PATJ: variants seen among roughly 807,000 people sequenced by gnomAD.
The protein encoded by PATJ is PATJ crumbs cell polarity complex component, also known as inaD-like protein.
PATJ carries 190 observed loss-of-function variants against 224.9 expected under a neutral mutation model. That is an observed-to-expected ratio of 0.84 (90% CI 0.75 to 0.95). The LOEUF (loss-of-function observed/expected upper bound fraction) is 0.95. Ranked by LOEUF, PATJ falls within the 40% of genes least tolerant of loss-of-function variation. The probability of loss-of-function intolerance (pLI) is 0.00; values close to 1 mark genes in which losing one functional copy is unlikely to be tolerated. For synonymous variants in PATJ, 769 were observed against 820.3 expected (o/e 0.94, Z 1.07); for missense variants, 2,121 against 2,270.3 (o/e 0.93, Z 1.34).
intron 33 of PATJ, among the ~76,000 whole-genome samples, chr1:62,107,156 A>C (rs1663172417): frequency 6.6e-6 from 1 of 152,030 alleles, no homozygotes. Context: ...AATACAAAAA[A>C]TTAGCCGGAC....
intron 17 of PATJ, among the ~76,000 whole-genome samples, chr1:61,843,011 C>T (rs1434027818): frequency 2.0e-5 from 3 of 152,146 alleles, no homozygotes; most frequent in Non-Finnish European, 1.5e-5. Context: ...ATTTGTGCTC[C>T]TCCACCTTGT....
chr1:61,901,481 T>C (rs1295461779), intron 24 of PATJ, 22 bp downstream of exon 24: 7 of 1,509,270 alleles, frequency 4.6e-6, no homozygotes. Flanking sequence ...TAAAGTACTG[T>C]TTTTATTGGA....
At chr1:62,029,525 T>A (rs1250156220) in intron 29 of PATJ, among the ~76,000 whole-genome samples, 1 of 152,212 alleles carries the variant, frequency 6.6e-6, no homozygotes, top group Non-Finnish European at 1.5e-5. Flanking sequence ...CTTATTACAG[T>A]TTGAATTATG....
chr1:61,757,562 T>G (rs1249960012), intron 1 of PATJ, among the ~76,000 whole-genome samples: 1 of 151,620 alleles, frequency 6.6e-6, no homozygotes, highest in East Asian at 1.9e-4. Context: ...ATTTTTGTGT[T>G]TTATGTAGAT....
intron 24 of PATJ, among the ~76,000 whole-genome samples, chr1:61,902,966 A>G (rs543586274): frequency 1.1e-4 from 17 of 152,288 alleles, no homozygotes; most frequent in African/African-American, 4.1e-4. Context: ...GCTTGCCTGG[A>G]TGTGTTCAAG....
intron 27 of PATJ, among the ~76,000 whole-genome samples, chr1:61,978,678 G>A (rs1001907699): frequency 6.6e-6 from 1 of 152,028 alleles, no homozygotes; most frequent in Non-Finnish European, 1.5e-5. Flanking sequence ...AAATTAGATT[G>A]AGATGTTTAT....
intron 27 of PATJ, among the ~76,000 whole-genome samples, chr1:61,982,506 C>T (rs1445774991): frequency 2.0e-5 from 3 of 151,930 alleles, no homozygotes; most frequent in Non-Finnish European, 4.4e-5. Flanking sequence ...GAGGCATTTA[C>T]GAAGGTGTGG....
At chr1:62,003,765 C>T (rs1645931130) in intron 28 of PATJ, among the ~76,000 whole-genome samples, 1 of 152,168 alleles carries the variant, frequency 6.6e-6, no homozygotes, top group South Asian at 2.1e-4. Flanking sequence ...GTACTCCTTT[C>T]CTCCCTTTGG....
At chr1:62,149,573 A>G (rs555979565) in intron 42 of PATJ, among the ~76,000 whole-genome samples, 1 of 151,962 alleles carries the variant, frequency 6.6e-6, no homozygotes, top group South Asian at 2.1e-4. Flanking sequence ...ACACATAGAA[A>G]TATAACATTT....
At position 61,841,600 on chromosome 1, in the gene PATJ, C is replaced by CTT. The variant is rs11424328; in HGVS notation, c.2112+7826_2112+7827dup. On this transcript the variant is annotated intron_variant, in intron 17 of 43. Transcript: ENST00000642238. ...CATCTAGGTTTTTTTTTTCTCTTGC[C>CTT]TTTTTTTTTTTTGGGAGCTCTTTGG... Among the ~76,000 whole-genome samples the CTT allele has an allele frequency of 1.5e-3, 214 of 141,874 alleles. 1 individual carries two copies. Among genetic ancestry groups the CTT allele is most frequent in the Middle Eastern group, 3.6e-3 (1 of 274 alleles). The allele number at this position is 141,874 out of a possible 152,430, so 93.1% of individuals were successfully genotyped here. A position where few individuals can be genotyped will look rare whatever the true frequency, so the allele number is the denominator to read the frequency against.
chr1:61,974,405 C>CTCTTTTTT (rs1434777894), intron 27 of PATJ, among the ~76,000 whole-genome samples: 2 of 64,242 alleles, frequency 3.1e-5, no homozygotes, highest in African/African-American at 1.3e-4. Flanking sequence ...CTCTCTCTCT[C>CTCTTTTTT]TTTTTTTTTT....
At chr1:61,811,118 T>A (rs1441690134) in intron 14 of PATJ, among the ~76,000 whole-genome samples, 1 of 152,232 alleles carries the variant, frequency 6.6e-6, no homozygotes, top group Non-Finnish European at 1.5e-5. Context: ...TATTAATACC[T>A]GCCTCATAGA....
Position 62,086,449 on chromosome 1 carries a change from C to T in PATJ, c.4377+1801C>T, listed in dbSNP as rs1309889847. On this transcript the variant is annotated intron_variant, in intron 33 of 43. Coordinates refer to ENST00000642238, the MANE Select transcript of PATJ (RefSeq NM_001350145.3). The surrounding 1 kb of genome is among the most constrained non-coding windows in gnomAD (Gnocchi z 4.0). ...TAAAACCAGGGCGACTCCCTAGAGA[C>T]AATCACTCTTGTTAATGAATATGTT... is the stretch of plus-strand genomic sequence containing the variant. Among the ~76,000 whole-genome samples, 1 of 152,184 alleles carries T rather than the reference C, an allele frequency of 6.6e-6. No individual in the cohort carries two copies. Among genetic ancestry groups the T allele is most frequent in the Non-Finnish European group, 1.5e-5 (1 of 68,042 alleles).
intron 42 of PATJ, among the ~76,000 whole-genome samples, chr1:62,148,959 T>C (rs1440834498): frequency 6.6e-6 from 1 of 151,922 alleles, no homozygotes; most frequent in Non-Finnish European, 1.5e-5. Context: ...AAACCCTGTC[T>C]CTATTAAAAA....
intron 1 of PATJ, among the ~76,000 whole-genome samples, chr1:61,754,458 C>T (rs1645506542): frequency 6.6e-6 from 1 of 151,844 alleles, no homozygotes; most frequent in Non-Finnish European, 1.5e-5. Context: ...AATTCTCCCA[C>T]CTCAGCCTCC....
chr1:62,111,455 T>G (rs996212580), intron 34 of PATJ, among the ~76,000 whole-genome samples: 7 of 152,192 alleles, frequency 4.6e-5, no homozygotes, highest in African/African-American at 1.4e-4. Context: ...TAACTTACAT[T>G]GGATATAACT....
At chr1:61,858,606 C>T (rs1664074081) in intron 18 of PATJ, among the ~76,000 whole-genome samples, 1 of 152,122 alleles carries the variant, frequency 6.6e-6, no homozygotes, top group Non-Finnish European at 1.5e-5. Flanking sequence ...AGTACTCATT[C>T]ATTCACCATC....
At chr1:61,797,985 T>C (rs967403158) in intron 11 of PATJ, among the ~76,000 whole-genome samples, 2 of 152,078 alleles carry the variant, frequency 1.3e-5, no homozygotes, top group African/African-American at 2.4e-5. Context: ...TTTGTATCTT[T>C]AGTAGAGATA....
chr1:61,776,477 C>T (rs1471706801), intron 7 of PATJ, among the ~76,000 whole-genome samples: 2 of 151,952 alleles, frequency 1.3e-5, no homozygotes, highest in Non-Finnish European at 2.9e-5. Context: ...AAAAAAATGC[C>T]GTTTTACTTG....
Sources: allele counts gnomAD v4.1 joint callset (sites outside exome capture counted in the v4.1 genomes callset), GRCh38; gene constraint gnomAD v4.1.1; non-coding constraint Gnocchi (gnomAD v3.1); transcripts MANE v1.5; gene names NCBI Gene and HGNC (gene_info 2026-07-23, HGNC 2026-07-21).